The following CNTN3 variants were observed in gnomAD, a reference collection of about 807,000 sequenced individuals.
The protein encoded by CNTN3 is contactin-3.
In CNTN3, 60 loss-of-function variants were observed where a neutral mutation model predicts 119.1. The observed-to-expected ratio is 0.50, with a 90% confidence interval of 0.41 to 0.62. The LOEUF is 0.62. CNTN3 is among the 20% of genes least tolerant of loss of function. The pLI is 0.00. For synonymous variants in CNTN3, 450 were observed against 438.7 expected, an observed-to-expected ratio of 1.03 and a Z score of -0.32; for missense variants, 1,101 against 1,242.4, an observed-to-expected ratio of 0.89 and a Z score of 1.71.
At chr3:74,549,596 A>T (rs549682466) in intron 1 of CNTN3, among the ~76,000 whole-genome samples, 1 of 152,000 alleles carries the variant, frequency 6.6e-6, no homozygotes, top group African/African-American at 2.4e-5. Flanking sequence ...TTGTTGGGAC[A>T]TTTCCATCAA....
chr3:74,446,405 T>C (rs1425000842), intron 4 of CNTN3, among the ~76,000 whole-genome samples: 12 of 152,096 alleles, frequency 7.9e-5, no homozygotes, highest in Non-Finnish European at 1.6e-4. Context: ...TACAATATAA[T>C]TCGTGTGTGT....
chr3:74,539,942 G>C (rs1703819113), intron 1 of CNTN3, among the ~76,000 whole-genome samples: 1 of 152,116 alleles, frequency 6.6e-6, no homozygotes, highest in African/African-American at 2.4e-5. Flanking sequence ...GAGCCTTCCA[G>C]AACTGCACAC....
At chr3:74,588,937 C>T (rs1396271752) in intron 1 of CNTN3, among the ~76,000 whole-genome samples, 1 of 152,090 alleles carries the variant, frequency 6.6e-6, no homozygotes, top group African/African-American at 2.4e-5. Flanking sequence ...CTTCCTTACA[C>T]CTTATACAAA....
At chr3:74,432,507 A>C (rs1343699117) in intron 4 of CNTN3, among the ~76,000 whole-genome samples, 2 of 152,218 alleles carry the variant, frequency 1.3e-5, no homozygotes, top group Non-Finnish European at 2.9e-5. Context: ...TATAAAAAAG[A>C]ATCCCATGCA....
At chr3:74,587,986 T>C (rs1223883042) in intron 1 of CNTN3, among the ~76,000 whole-genome samples, 6 of 152,134 alleles carry the variant, frequency 3.9e-5, no homozygotes, top group African/African-American at 1.4e-4. Flanking sequence ...CCTAATTTAT[T>C]GAGAGTTTTT....
At chr3:74,300,370 T>G (rs1702432106) in intron 16 of CNTN3, among the ~76,000 whole-genome samples, 2 of 152,164 alleles carry the variant, frequency 1.3e-5, no homozygotes, top group Non-Finnish European at 2.9e-5. Context: ...GAATCTTGTT[T>G]TGAGGTATTA....
chr3:74,378,134 G>A (rs750065929), intron 5 of CNTN3, among the ~76,000 whole-genome samples: 8 of 152,126 alleles, frequency 5.3e-5, no homozygotes, highest in Non-Finnish European at 1.0e-4. Flanking sequence ...TTTTATCACC[G>A]ATTCATACAA....
chr3:74,455,539 G>A (rs1702251377), intron 4 of CNTN3, among the ~76,000 whole-genome samples: 1 of 152,096 alleles, frequency 6.6e-6, no homozygotes, highest in Admixed American at 6.6e-5. Context: ...TCCATTGCTG[G>A]TGAGGAACTG....
chr3:74,479,373 C>T lies in CNTN3; in HGVS notation c.358+7083G>A, dbSNP rs138624802. Among the ~76,000 whole-genome samples the T allele has an allele frequency of 1.9e-3, 286 of 152,158 alleles. 3 individuals are homozygous for T. The highest frequency in any genetic ancestry group is 6.6e-3 in the African/African-American group (273 of 41,530). On this transcript the variant is annotated intron_variant, in intron 4 of 22. Coordinates refer to ENST00000263665, the MANE Select transcript of CNTN3 (RefSeq NM_020872.3). ...TAGGGGCAAAGAGAATACCTAGAAG[C>T]CTCCCTAGAGAAATACAGGCCTCTC... is the stretch of plus-strand genomic sequence containing the variant.
chr3:74,406,634 A>G (rs1380421195), intron 5 of CNTN3, among the ~76,000 whole-genome samples: 1 of 152,050 alleles, frequency 6.6e-6, no homozygotes, highest in African/African-American at 2.4e-5. Flanking sequence ...TGCAATGGCA[A>G]CTGTACACCA....
chr3:74,320,156 T>TC (rs1292345628), intron 13 of CNTN3, among the ~76,000 whole-genome samples: 1 of 152,176 alleles, frequency 6.6e-6, no homozygotes, highest in Non-Finnish European at 1.5e-5. Flanking sequence ...GACCCAGCCA[T>TC]CCCATTACTG....
chr3:74,504,827 G>A (rs1324315326), intron 2 of CNTN3, among the ~76,000 whole-genome samples: 1 of 152,084 alleles, frequency 6.6e-6, no homozygotes, highest in Non-Finnish European at 1.5e-5. Context: ...ATTGGCTTAT[G>A]AGACCACTAA....
chr3:74,381,288 A>G (rs2106810900), intron 5 of CNTN3, among the ~76,000 whole-genome samples: 1 of 152,264 alleles, frequency 6.6e-6, no homozygotes, highest in Middle Eastern at 3.4e-3. Context: ...TTGCACAATT[A>G]AAATATATCA....
At chr3:74,277,059 T>C (rs1056628556) in intron 20 of CNTN3, among the ~76,000 whole-genome samples, 4 of 152,058 alleles carry the variant, frequency 2.6e-5, no homozygotes, top group Non-Finnish European at 5.9e-5. Flanking sequence ...CCTGGAAAGA[T>C]ACAACTCTCC....
intron 2 of CNTN3, among the ~76,000 whole-genome samples, chr3:74,500,157 C>A (rs75992951): frequency 0.018 from 2,741 of 152,072 alleles, 91 homozygotes; most frequent in African/African-American, 0.063. Flanking sequence ...ATGAATTCAA[C>A]ACCTGAGTAT....
chr3:74,470,296 C>T (rs1205060228), intron 4 of CNTN3, among the ~76,000 whole-genome samples: 2 of 152,050 alleles, frequency 1.3e-5, no homozygotes, highest in Non-Finnish European at 2.9e-5. Context: ...ATACTAGAAA[C>T]ACGGAATTGT....
intron 4 of CNTN3, among the ~76,000 whole-genome samples, chr3:74,450,828 C>G (rs1301763985): frequency 6.6e-6 from 1 of 151,976 alleles, no homozygotes; most frequent in Admixed American, 6.6e-5. Context: ...CATGTCCCTA[C>G]AAAGGACATG....
At position 74,540,806 on chromosome 3, in the gene CNTN3, T is replaced by C. The variant is rs60676253; in HGVS notation, c.-80-19614A>G. ...GCAAAAAATAAATTAGAAAGCCAAG[T>C]GTTCCTATTTAATCAATACTAATAA... On this transcript the variant is annotated intron_variant, in intron 1 of 22. Transcript: ENST00000263665. Among the ~76,000 whole-genome samples, 1,424 of 152,266 alleles carry C rather than the reference T, an allele frequency of 9.4e-3. 25 individuals are homozygous for C. The highest frequency in any genetic ancestry group is 0.033 in the African/African-American group (1,355 of 41,562).
At chr3:74,275,680 C>T (rs1701865224) in intron 20 of CNTN3, among the ~76,000 whole-genome samples, 1 of 151,876 alleles carries the variant, frequency 6.6e-6, no homozygotes, top group Non-Finnish European at 1.5e-5. Flanking sequence ...AAGCATAAAT[C>T]TCAAAGGACC....
Sources: allele counts gnomAD v4.1 joint callset (sites outside exome capture counted in the v4.1 genomes callset), GRCh38; gene constraint gnomAD v4.1.1; transcripts MANE v1.5; gene names NCBI Gene and HGNC (gene_info 2026-07-23, HGNC 2026-07-21).